Variants in SLC9A1 observed in about 807,000 individuals in gnomAD.
SLC9A1 encodes the protein sodium/hydrogen exchanger 1.
SLC9A1 carries 22 observed loss-of-function variants against 67.9 expected under a neutral mutation model. That is an observed-to-expected ratio of 0.32 (90% CI 0.23 to 0.46). SLC9A1 has a LOEUF of 0.46. Among genes scored for constraint, SLC9A1 ranks in the 20% least tolerant of loss-of-function variants. The pLI is 1.00. For missense variants in SLC9A1, 686 were observed against 1,094.8 expected (o/e 0.63, Z 5.27); for synonymous variants, 421 against 471.8 (o/e 0.89, Z 1.40).
intron 7 of SLC9A1, 42 bp from the exon 8 acceptor site, chr1:27,102,600 G>C: frequency 1.9e-6 from 3 of 1,611,634 alleles, no homozygotes; most frequent in Non-Finnish European, 2.5e-6. Flanking sequence ...CAGCTTCCAG[G>C]AGTGGGGAGA....
chr1:27,131,955 T>TAAAAAAAAAATAAAAAAAAAAAAAAAA (rs2083389043), intron 1 of SLC9A1, among the ~76,000 whole-genome samples: 1 of 103,610 alleles, frequency 9.7e-6, no homozygotes, highest in African/African-American at 4.4e-5. Context: ...AAAATATATA[T>TAAAAAAAAAATAAAAAAAAAAAAAAAA]ATATATATAT....
Position 27,114,077 on chromosome 1 carries a change from T to A in SLC9A1, c.562A>T (p.Thr188Ser). The A allele has an allele frequency of 1.9e-6, 3 of 1,614,134 alleles. No individual in the cohort carries two copies. Among genetic ancestry groups the A allele is most frequent in the Non-Finnish European group, 2.5e-6 (3 of 1,180,022 alleles). ...PLRQFTENLG[T>S]ILIFAVVGTL... is the part of the protein sequence containing the mutation. ...CCCACCACGGCAAAGATCAGGATGG[T>A]GCCCAGGTTTTCTGTGAACTGCCGC... The change falls in exon 2 of 12, where the codon ACC (threonine) becomes TCC (serine). Residue 188 changes from threonine to serine, a missense_variant. Thr to Ser is a moderately conservative substitution (Grantham distance 58, BLOSUM62 1). Coordinates refer to ENST00000263980, the MANE Select transcript of SLC9A1 (RefSeq NM_003047.5). This position sits in a 1 kb window ranked among gnomAD's most constrained non-coding sequence, Gnocchi z 5.4.
At chr1:27,112,511 G>A (rs973165752) in intron 2 of SLC9A1, among the ~76,000 whole-genome samples, 42 of 152,174 alleles carry the variant, frequency 2.8e-4, no homozygotes, top group Admixed American at 6.5e-5. Context: ...TGGGAGGAAG[G>A]GCATGTGCAG....
At chr1:27,111,269 G>C (rs2083225979) in intron 2 of SLC9A1, among the ~76,000 whole-genome samples, 1 of 152,182 alleles carries the variant, frequency 6.6e-6, no homozygotes, top group South Asian at 2.1e-4. Context: ...GGCCCATGGA[G>C]TCGGCACAGA....
rs1221107969 is a variant in SLC9A1 at position 27,109,538 on chromosome 1, T to TGACAG, written c.1048_1052dup (p.Gly352CysfsTer8). On this transcript the variant is annotated frameshift_variant, in exon 3 of 12. Coordinates refer to ENST00000263980, the MANE Select transcript of SLC9A1 (RefSeq NM_003047.5). LOFTEE classifies it high-confidence loss of function. This position sits in a 1 kb window ranked among gnomAD's most constrained non-coding sequence, Gnocchi z 5.5. ...GCACGCAGACTCACGCCATGATGCC[T>TGACAG]GACAGGTGGAAGAGCTCGGCTGACA... The TGACAG allele has an allele frequency of 6.2e-7, 1 of 1,609,476 alleles. No homozygotes were observed. The highest frequency in any genetic ancestry group is 8.5e-7 in the Non-Finnish European group (1 of 1,178,304).
At chr1:27,147,631 T>C (rs12731587) in intron 1 of SLC9A1, among the ~76,000 whole-genome samples, 47,051 of 151,720 alleles carry the variant, frequency 0.31, 7,703 homozygotes, top group Non-Finnish European at 0.36. Context: ...AATTGGAAGA[T>C]CCCCATCCCC....
intron 1 of SLC9A1, among the ~76,000 whole-genome samples, chr1:27,130,204 G>A (rs960712379): frequency 6.6e-6 from 1 of 152,192 alleles, no homozygotes; most frequent in Non-Finnish European, 1.5e-5. Flanking sequence ...GGGTTCACGC[G>A]ATTGTCCCGC....
In SLC9A1 at chr1:27,109,929, G is replaced by A; in HGVS notation, c.814-152C>T. The A allele has an allele frequency of 3.3e-6, 3 of 897,530 alleles. No homozygotes were observed. The highest frequency in any genetic ancestry group is 5.1e-6 in the Non-Finnish European group (3 of 593,350). 55.6% of individuals were successfully genotyped at this position (897,530 alleles called of 1,614,324 possible). A position where few individuals can be genotyped will look rare whatever the true frequency, so the allele number is the denominator to read the frequency against. On this transcript the variant is annotated intron_variant, in intron 2 of 11. Transcript: ENST00000263980. The surrounding 1 kb of genome is among the most constrained non-coding windows in gnomAD (Gnocchi z 5.5). ...AGAGAAACCCTAGTGCCAAGCAGGT[G>A]CTCAAAACCTCAGCCTGGGGCTGAG...
At chr1:27,130,192 C>G (rs1425937095) in intron 1 of SLC9A1, among the ~76,000 whole-genome samples, 1 of 152,256 alleles carries the variant, frequency 6.6e-6, no homozygotes, top group Non-Finnish European at 1.5e-5. Context: ...CCTCCGCCTC[C>G]TGGGTTCACG....
intron 5 of SLC9A1, among the ~76,000 whole-genome samples, chr1:27,104,297 G>C (rs1434811705): frequency 1.3e-5 from 2 of 152,120 alleles, no homozygotes; most frequent in Non-Finnish European, 2.9e-5. Context: ...GGCCAGGCTG[G>C]TCTGGAACTC....
Position 27,106,459 on chromosome 1 carries a change from A to G in SLC9A1, c.1283-372T>C, listed in dbSNP as rs1188190075. On this transcript the variant is annotated intron_variant, in intron 4 of 11. Transcript: ENST00000263980. The surrounding 1 kb of genome is among the most constrained non-coding windows in gnomAD (Gnocchi z 4.3). ...TCTCTCTACTTTTCTAAGTACTTGA[A>G]ATTTTCCATAATAAAGCATAAAAAA... Among the ~76,000 whole-genome samples the G allele has an allele frequency of 6.6e-6, 1 of 152,022 alleles. No homozygotes were observed. Among genetic ancestry groups the G allele is most frequent in the Non-Finnish European group, 1.5e-5 (1 of 67,996 alleles).
intron 1 of SLC9A1, among the ~76,000 whole-genome samples, chr1:27,131,947 A>AAAAAAAAAAAT: frequency 0.017 from 884 of 51,886 alleles, 8 homozygotes; most frequent in Non-Finnish European, 0.028. Flanking sequence ...AGAAAAAAAA[A>AAAAAAAAAAAT]ATATATATAT....
At chr1:27,124,687 G>T (rs1225321540) in intron 1 of SLC9A1, among the ~76,000 whole-genome samples, 1 of 152,206 alleles carries the variant, frequency 6.6e-6, no homozygotes, top group Non-Finnish European at 1.5e-5. Context: ...ATCCCTAGTA[G>T]CTTTATCAGC....
At chr1:27,130,879 C>T in intron 1 of SLC9A1, among the ~76,000 whole-genome samples, 1 of 152,232 alleles carries the variant, frequency 6.6e-6, no homozygotes, top group Non-Finnish European at 1.5e-5. Context: ...CTAGAGCCCA[C>T]TGGTGATAAG....
At chr1:27,140,643 C>T (rs1357800404) in intron 1 of SLC9A1, among the ~76,000 whole-genome samples, 1 of 152,184 alleles carries the variant, frequency 6.6e-6, no homozygotes, top group Admixed American at 6.5e-5. Flanking sequence ...TTAATACTGG[C>T]ATCACTCACC....
chr1:27,107,404 C>T, intron 4 of SLC9A1, among the ~76,000 whole-genome samples: 1 of 150,024 alleles, frequency 6.7e-6, no homozygotes, highest in African/African-American at 2.5e-5. Context: ...TACACACACA[C>T]CATACACACA....
In SLC9A1 at chr1:27,154,094, G is replaced by T. The variant is rs768579781; in HGVS notation, c.241C>A (p.His81Asn). 2 of 1,614,056 alleles carry T rather than the reference G, an allele frequency of 1.2e-6. No homozygotes were observed. The highest frequency in any genetic ancestry group is 1.7e-6 in the Non-Finnish European group (2 of 1,179,962). Reference protein sequence around the residue: ...SRPVNHSVTDHGMKPRKAFPV... With the variant: ...SRPVNHSVTDNGMKPRKAFPV... ...AAGGCCTTGCGCGGCTTCATGCCAT[G>T]ATCAGTGACGGAATGATTAACAGGG... Residue 81 changes from histidine (H) to asparagine (N), a missense_variant, in exon 1 of 12, where the codon CAT becomes AAT. This residue lies in a region of SLC9A1 where 143 missense variants were observed against 166.7 expected (regional missense o/e 0.86). Coordinates refer to ENST00000263980, the MANE Select transcript of SLC9A1 (RefSeq NM_003047.5).
intron 1 of SLC9A1, among the ~76,000 whole-genome samples, chr1:27,140,182 C>A (rs2083445525): frequency 6.6e-6 from 1 of 152,086 alleles, no homozygotes; most frequent in African/African-American, 2.4e-5. Context: ...CTCCCGCACA[C>A]CCACAGCTCT....
rs970732185 is a variant in SLC9A1, at chr1:27,136,056, CCT to C, written c.352+17925_352+17926del. Among the ~76,000 whole-genome samples the C allele has an allele frequency of 5.9e-5, 9 of 152,154 alleles. No homozygotes were observed. The South Asian group carries it at 1.0e-3, about 18-fold the overall frequency. The stretch of plus-strand genomic sequence containing the variant: ...TTGGACTCTGCAGTCTCTATTGGCC[CCT>C]GACTGCCCAGAAGGATGCCTTGAAT... On this transcript the variant is annotated intron_variant, in intron 1 of 11. Transcript: ENST00000263980.
Sources: allele counts gnomAD v4.1 joint callset (sites outside exome capture counted in the v4.1 genomes callset), GRCh38; gene constraint gnomAD v4.1.1; regional missense constraint gnomAD v4.1.1; non-coding constraint Gnocchi (gnomAD v3.1); transcripts MANE v1.5; gene names NCBI Gene and HGNC (gene_info 2026-07-23, HGNC 2026-07-21).